The following MEGF11 variants were observed in gnomAD, a reference collection of about 807,000 sequenced individuals.
MEGF11 encodes the protein multiple EGF like domains 11.
In MEGF11, 126 loss-of-function variants were observed where a neutral mutation model predicts 146.6. That is an observed-to-expected ratio of 0.86 (90% CI 0.74 to 1.00). The LOEUF is 1.00. MEGF11 is among the 50% of genes least tolerant of loss of function. MEGF11 has a pLI of 0.00. For synonymous variants in MEGF11, 532 were observed against 583.4 expected, an observed-to-expected ratio of 0.91 and a Z score of 1.27; for missense variants, 1,509 against 1,521.2, an observed-to-expected ratio of 0.99 and a Z score of 0.13.
intron 1 of MEGF11, among the ~76,000 whole-genome samples, chr15:66,165,615 G>A (rs1343130130): frequency 6.6e-6 from 1 of 151,992 alleles, no homozygotes; most frequent in Admixed American, 6.5e-5. Context: ...TTTGGGCCTC[G>A]CCTCCCTCTG....
At chr15:65,949,494 C>T (rs1247644014) in intron 10 of MEGF11, among the ~76,000 whole-genome samples, 1 of 152,206 alleles carries the variant, frequency 6.6e-6, no homozygotes, top group Non-Finnish European at 1.5e-5. Context: ...AAAATTGCAG[C>T]ATAAATAGAT....
chr15:66,219,836 A>T (rs1597158463), intron 1 of MEGF11, among the ~76,000 whole-genome samples: 1 of 152,334 alleles, frequency 6.6e-6, no homozygotes, highest in Admixed American at 6.5e-5. Context: ...TAATAGCCCA[A>T]ACCTGTAAAT....
intron 5 of MEGF11, among the ~76,000 whole-genome samples, chr15:66,034,398 GTTTTTTT>G (rs58298192): frequency 2.8e-5 from 4 of 145,144 alleles, no homozygotes; most frequent in African/African-American, 5.0e-5. Context: ...TGGAATGCTG[GTTTTTTT>G]TTTTTTGTTT....
At chr15:65,993,392 C>G (rs2082112709) in intron 5 of MEGF11, among the ~76,000 whole-genome samples, 1 of 152,196 alleles carries the variant, frequency 6.6e-6, no homozygotes, top group African/African-American at 2.4e-5. Flanking sequence ...AGGCCCAGCT[C>G]CCAGCGGCCC....
chr15:66,077,534 C>A (rs1332212201), intron 5 of MEGF11, among the ~76,000 whole-genome samples: 1 of 152,252 alleles, frequency 6.6e-6, no homozygotes. Context: ...CCCACCTCCA[C>A]CTCCAGAAGG....
chr15:65,913,837 G>C lies in MEGF11; in HGVS notation c.2610C>G (p.Ala870=), dbSNP rs897126140. 4.3e-6 allele frequency: 7 copies of C among 1,614,014 alleles called. No homozygotes were observed. Among genetic ancestry groups the C allele is most frequent in the Middle Eastern group, 3.3e-4 (2 of 6,062 alleles). The stretch of plus-strand genomic sequence containing the variant: ...TCTCTTTCTGCCGCCGCCGATGCCA[G>C]GCAAATAGGCCCAGCAGCACCACAA... ...FLIVVLLGLF[A]WHRRRQKEKG... Residue 870 remains alanine, a synonymous_variant, in exon 20 of 26, where the codon GCC becomes GCG. Coordinates refer to ENST00000395614, the MANE Select transcript of MEGF11 (RefSeq NM_001385028.1).
At chr15:65,997,138 CTCTA>C (rs1323347893) in intron 5 of MEGF11, among the ~76,000 whole-genome samples, 2 of 152,244 alleles carry the variant, frequency 1.3e-5, no homozygotes, top group Non-Finnish European at 2.9e-5. Flanking sequence ...TCAGAGGACA[CTCTA>C]TCCATCACTG....
intron 1 of MEGF11, among the ~76,000 whole-genome samples, chr15:66,235,510 A>T (rs59414756): frequency 8.3e-6 from 1 of 120,868 alleles, no homozygotes; most frequent in East Asian, 2.9e-4. Context: ...TCAAAGAAAA[A>T]AAAAAGGTCA....
intron 5 of MEGF11, among the ~76,000 whole-genome samples, chr15:66,009,340 G>A (rs2082630095): frequency 6.6e-6 from 1 of 151,906 alleles, no homozygotes; most frequent in African/African-American, 2.4e-5. Flanking sequence ...GGAGTCATGG[G>A]GGTGGGGAGG....
chr15:66,189,759 T>C (rs572508665), intron 1 of MEGF11, among the ~76,000 whole-genome samples: 6 of 152,246 alleles, frequency 3.9e-5, no homozygotes, highest in Admixed American at 3.9e-4. Flanking sequence ...GGACAAGATA[T>C]CTAAAGCCCC....
intron 15 of MEGF11, among the ~76,000 whole-genome samples, chr15:65,920,582 T>C (rs562023717): frequency 1.9e-4 from 29 of 152,294 alleles, no homozygotes; most frequent in African/African-American, 6.5e-4. Flanking sequence ...ATATGATCAA[T>C]CTAATCCATT....
intron 24 of MEGF11, among the ~76,000 whole-genome samples, chr15:65,903,533 T>G (rs2078546431): frequency 1.3e-5 from 2 of 152,110 alleles, no homozygotes; most frequent in South Asian, 4.1e-4. Flanking sequence ...AGCCCCATCG[T>G]TTTATAGTGG....
At chr15:66,148,005 T>A (rs112018993) in intron 1 of MEGF11, among the ~76,000 whole-genome samples, 1 of 152,138 alleles carries the variant, frequency 6.6e-6, no homozygotes, top group African/African-American at 2.4e-5. Flanking sequence ...GGGAGCAATA[T>A]TGGCTGACTT....
At chr15:66,178,911 G>C (rs74543789) in intron 1 of MEGF11, among the ~76,000 whole-genome samples, 3,942 of 152,238 alleles carry the variant, frequency 0.026, 156 homozygotes, top group African/African-American at 0.088. Flanking sequence ...TTAAGACAGA[G>C]AGGAACTTAG....
At chr15:66,149,272 C>A (rs143440957) in intron 1 of MEGF11, among the ~76,000 whole-genome samples, 1 of 152,320 alleles carries the variant, frequency 6.6e-6, no homozygotes, top group Admixed American at 6.5e-5. Flanking sequence ...TGTGGCATGG[C>A]GAGTCATAAC....
At chr15:66,253,007 G>C (rs568152780) in intron 1 of MEGF11, among the ~76,000 whole-genome samples, 2 of 152,252 alleles carry the variant, frequency 1.3e-5, no homozygotes, top group South Asian at 4.1e-4. Flanking sequence ...TATGGGATGG[G>C]AAAGAAATAG....
Position 66,094,478 on chromosome 15 carries a change from C to G in MEGF11, c.318G>C (p.Glu106Asp). ...GDFCIPLCTE[E>D]CVHGRCVSPD... Reference sequence around the variant, plus strand: ...GGGAAACGCAGCGGCCGTGCACACACTCCTCCGTACACAGGGCTGAGGGGA... The same window carrying G: ...GGGAAACGCAGCGGCCGTGCACACAGTCCTCCGTACACAGGGCTGAGGGGA... Residue 106 changes from glutamate (E) to aspartate (D), a missense_variant, in exon 5 of 26, where the codon GAG becomes GAC. Physicochemically the swap from Glu to Asp is conservative, Grantham distance 45. Transcript: ENST00000395614. The G allele has an allele frequency of 6.4e-7, 1 of 1,560,920 alleles. No homozygotes were observed. The highest frequency in any genetic ancestry group is 8.7e-7 in the Non-Finnish European group (1 of 1,152,228).
intron 16 of MEGF11, among the ~76,000 whole-genome samples, chr15:65,917,711 G>A (rs1460696538): frequency 1.3e-5 from 2 of 152,192 alleles, no homozygotes; most frequent in Non-Finnish European, 2.9e-5. Flanking sequence ...CTAATGGAGT[G>A]TTAAGTCTCA....
intron 5 of MEGF11, among the ~76,000 whole-genome samples, chr15:66,055,230 C>T (rs2084628038): frequency 1.3e-5 from 2 of 152,286 alleles, no homozygotes; most frequent in Admixed American, 1.3e-4. Flanking sequence ...GATTATTTTA[C>T]GAGATGTAAT....
Sources: allele counts gnomAD v4.1 joint callset (sites outside exome capture counted in the v4.1 genomes callset), GRCh38; gene constraint gnomAD v4.1.1; transcripts MANE v1.5; gene names NCBI Gene and HGNC (gene_info 2026-07-23, HGNC 2026-07-21).